The following TNNI3K variants were observed in gnomAD, a reference collection of about 807,000 sequenced individuals.
TNNI3K encodes TNNI3 interacting kinase, also known as serine/threonine-protein kinase TNNI3K.
TNNI3K carries 140 observed loss-of-function variants against 114.5 expected under a neutral mutation model. The ratio of observed to expected loss-of-function variants is 1.22; its 90% CI spans 1.07 to 1.41. The LOEUF is 1.41. TNNI3K is among the 40% of genes most tolerant of loss of function. The pLI is 0.00. For synonymous variants in TNNI3K, 347 were observed against 347.5 expected, an observed-to-expected ratio of 1.00 and a Z score of 0.02; for missense variants, 1,125 against 1,007.6, an observed-to-expected ratio of 1.12 and a Z score of -1.58.
chr1:74,483,431 A>G lies in TNNI3K; in HGVS notation c.2122-5758A>G, dbSNP rs1668600356. On this transcript the variant is annotated intron_variant, in intron 21 of 24. Coordinates refer to ENST00000326637, the MANE Select transcript of TNNI3K (RefSeq NM_015978.3). ...ATAATGTTGGCATTCACTGTCCATT[A>G]TTTCTGTACATACAGGTCATGAGGC... 5.7e-6 allele frequency: 4 copies of G among 696,498 alleles called. No individual in the cohort carries two copies. In the Middle Eastern group the frequency reaches 7.0e-4, roughly 122 times the overall value. The allele number at this position is 696,498 out of a possible 1,614,324, so 43.1% of individuals were successfully genotyped here. A position where few individuals can be genotyped will look rare whatever the true frequency, so the allele number is the denominator to read the frequency against.
chr1:74,498,524 GT>G (rs1228831703), intron 23 of TNNI3K, among the ~76,000 whole-genome samples: 3 of 151,978 alleles, frequency 2.0e-5, no homozygotes. Flanking sequence ...TTAATTGCAT[GT>G]GGTGAATATT....
At chr1:74,410,488 G>T (rs182169837) in intron 17 of TNNI3K, among the ~76,000 whole-genome samples, 1 of 152,210 alleles carries the variant, frequency 6.6e-6, no homozygotes. Flanking sequence ...GAAATAAGAA[G>T]ATATTAATTT....
intron 5 of TNNI3K, among the ~76,000 whole-genome samples, chr1:74,284,392 T>C (rs533986392): frequency 2.6e-5 from 4 of 152,292 alleles, no homozygotes; most frequent in African/African-American, 9.6e-5. Context: ...AGAATCTCTC[T>C]TTTGCGGTGA....
At chr1:74,280,483 C>T (rs1656948998) in intron 5 of TNNI3K, among the ~76,000 whole-genome samples, 1 of 152,248 alleles carries the variant, frequency 6.6e-6, no homozygotes, top group South Asian at 2.1e-4. Flanking sequence ...CCACTAGTGG[C>T]ACAGCATGGC....
At chr1:74,451,626 C>T (rs929958418) in intron 20 of TNNI3K, among the ~76,000 whole-genome samples, 10 of 139,480 alleles carry the variant, frequency 7.2e-5, no homozygotes, top group Non-Finnish European at 4.5e-5. Context: ...TTCCTTCCTT[C>T]CTTTTCTTTT....
chr1:74,418,772 A>G (rs1046246313), intron 17 of TNNI3K, among the ~76,000 whole-genome samples: 9 of 151,968 alleles, frequency 5.9e-5, no homozygotes, highest in African/African-American at 1.7e-4. Context: ...AAAAATCATC[A>G]TAAACTCCCT....
intron 11 of TNNI3K, among the ~76,000 whole-genome samples, chr1:74,354,995 C>G (rs1171813166): frequency 6.6e-6 from 1 of 151,972 alleles, no homozygotes; most frequent in African/African-American, 2.4e-5. Context: ...ATATATTTGC[C>G]TCATAAGCAA....
intron 19 of TNNI3K, among the ~76,000 whole-genome samples, chr1:74,438,766 T>C (rs1336832115): frequency 1.3e-5 from 2 of 152,106 alleles, no homozygotes; most frequent in African/African-American, 4.8e-5. Flanking sequence ...ATGAAAAGAA[T>C]GTAAATAATG....
intron 4 of TNNI3K, among the ~76,000 whole-genome samples, chr1:74,252,299 G>C (rs914436730): frequency 6.6e-6 from 1 of 151,828 alleles, no homozygotes; most frequent in Non-Finnish European, 1.5e-5. Flanking sequence ...TTTAGAGAAG[G>C]GTGCATAAAC....
chr1:74,305,480 C>G (rs941703763), intron 5 of TNNI3K, among the ~76,000 whole-genome samples: 1 of 152,194 alleles, frequency 6.6e-6, no homozygotes, highest in Non-Finnish European at 1.5e-5. Flanking sequence ...ACCCTTGAAG[C>G]TTTTCCAAGC....
intron 5 of TNNI3K, among the ~76,000 whole-genome samples, chr1:74,294,682 C>A (rs539326420): frequency 6.6e-6 from 1 of 152,196 alleles, no homozygotes; most frequent in East Asian, 1.9e-4. Context: ...AATTTATTGG[C>A]ATAAATTTGA....
rs1314256914 is a variant in TNNI3K, at chr1:74,432,504, C to T, written c.1773-3576C>T. Among the ~76,000 whole-genome samples, 3 of 152,194 alleles carry T rather than the reference C, an allele frequency of 2.0e-5. No individual in the cohort carries two copies. In the East Asian group the frequency reaches 5.8e-4, roughly 30 times the overall value. On this transcript the variant is annotated intron_variant, in intron 17 of 24. Coordinates refer to ENST00000326637, the MANE Select transcript of TNNI3K (RefSeq NM_015978.3). ...GTGTTGACACTCTTCATGTGCCTGG[C>T]TTACTTCCCAGGTCAAATTGCACTT...
intron 9 of TNNI3K, among the ~76,000 whole-genome samples, chr1:74,344,434 C>A (rs537528637): frequency 6.6e-6 from 1 of 152,134 alleles, no homozygotes; most frequent in Non-Finnish European, 1.5e-5. Flanking sequence ...AAATCCTGTG[C>A]TTTTTACATT....
intron 17 of TNNI3K, among the ~76,000 whole-genome samples, chr1:74,428,945 T>C (rs1052019834): frequency 6.6e-6 from 1 of 152,046 alleles, no homozygotes; most frequent in African/African-American, 2.4e-5. Context: ...CCTGTCTCTG[T>C]AAAAACAGAA....
At position 74,442,798 on chromosome 1, in the gene TNNI3K, A is replaced by G. The variant is rs1446703625; in HGVS notation, c.2011+3176A>G. On this transcript the variant is annotated intron_variant, in intron 20 of 24. Transcript: ENST00000326637. ...CCTAAGCCAATGCAAAACAACTGAA[A>G]TCATAACAAACAGTCTCTATGGCCA... 3.9e-5 allele frequency among the ~76,000 whole-genome samples: 6 copies of G among 152,252 alleles called. No individual in the cohort carries two copies. The South Asian group carries it at 1.0e-3, about 26-fold the overall frequency.
intron 17 of TNNI3K, among the ~76,000 whole-genome samples, chr1:74,385,025 A>G (rs1663402176): frequency 6.6e-6 from 1 of 152,128 alleles, no homozygotes; most frequent in African/African-American, 2.4e-5. Context: ...TTCACTTCTC[A>G]GCTACTCCTC....
intron 21 of TNNI3K, among the ~76,000 whole-genome samples, chr1:74,487,226 G>C (rs1359336233): frequency 6.6e-6 from 1 of 152,112 alleles, no homozygotes; most frequent in Non-Finnish European, 1.5e-5. Flanking sequence ...AAATGGATGA[G>C]AGAATTATTG....
At chr1:74,485,643 C>T (rs1018216742) in intron 21 of TNNI3K, among the ~76,000 whole-genome samples, 9 of 152,152 alleles carry the variant, frequency 5.9e-5, no homozygotes, top group Non-Finnish European at 8.8e-5. Context: ...GAAGATTATC[C>T]CAAGTGGGTC....
intron 5 of TNNI3K, among the ~76,000 whole-genome samples, chr1:74,277,345 C>T (rs777724200): frequency 3.9e-4 from 59 of 151,932 alleles, no homozygotes; most frequent in African/African-American, 1.4e-3. Context: ...CATAAAAGAG[C>T]GATTACTCCC....
Sources: gnomAD v4.1 joint callset for allele counts (sites outside exome capture counted in the v4.1 genomes callset) on GRCh38, gnomAD v4.1.1 for gene constraint, MANE v1.5 for transcripts, NCBI Gene and HGNC (gene_info 2026-07-23, HGNC 2026-07-21) for gene names.